PRSS1: variants seen among roughly 807,000 people sequenced by gnomAD.
The protein encoded by PRSS1 is serine protease 1.
A neutral mutation model predicts 24.2 loss-of-function variants in PRSS1; 22 were observed. The ratio of observed to expected loss-of-function variants is 0.91; its 90% confidence interval spans 0.65 to 1.30. The LOEUF (loss-of-function observed/expected upper bound fraction) is 1.30. Ranked by LOEUF, PRSS1 falls within the 50% of genes most tolerant of loss-of-function variation. The pLI, the probability that PRSS1 is intolerant of heterozygous loss-of-function variation, is 0.00. For synonymous variants in PRSS1, 126 were observed against 116.1 expected, an observed-to-expected ratio of 1.08 and a Z score of -0.55; for missense variants, 366 against 304.2, an observed-to-expected ratio of 1.20 and a Z score of -1.51.
chr7:142,751,384 G>C (rs1798712008), intron 2 of PRSS1: 1 of 576,436 alleles, frequency 1.7e-6, no homozygotes, highest in African/African-American at 1.9e-5. Context: ...ACCAGGCCAA[G>C]AATGGAGGGA....
At chr7:142,750,939 A>C (rs1453060940) in intron 2 of PRSS1, 1 of 771,316 alleles carries the variant, frequency 1.3e-6, no homozygotes, top group East Asian at 2.7e-5. Context: ...TCATAAAAGC[A>C]GGCAGGGATG....
rs763907908 is a variant in PRSS1, at chr7:142,752,562, T to G, written c.586T>G (p.Cys196Gly). 3.1e-6 allele frequency: 5 copies of G among 1,614,070 alleles called. No individual in the cohort carries two copies. The highest frequency in any genetic ancestry group is 4.2e-6 in the Non-Finnish European group (5 of 1,180,032). ...VGFLEGGKDSCQGDSGGPVVC... is the reference protein window; with the variant it reads ...VGFLEGGKDSGQGDSGGPVVC... ...CTTCCTTGAGGGAGGCAAGGATTCA[T>G]GTCAGGTGATTTGACCAACCCTTCC... Residue 196 changes from cysteine (C) to glycine (G), a missense_variant, in exon 4 of 5, where the codon TGT (cysteine) becomes GGT (glycine). Cys to Gly is a radical substitution (Grantham distance 159). Transcript: ENST00000311737.
chr7:142,749,742 G>A (rs546106408), intron 1 of PRSS1, among the ~76,000 whole-genome samples: 65 of 135,040 alleles, frequency 4.8e-4, no homozygotes, highest in Middle Eastern at 3.6e-3. Context: ...ATCCATATCC[G>A]AGTTGTGGTT....
At position 142,752,450 on chromosome 7, in the gene PRSS1, G is replaced by A. The variant is rs781123735; in HGVS notation, c.474G>A (p.Leu158=). The change falls in exon 4 of 5, where the codon CTG becomes CTA. Residue 158 remains leucine (L), a synonymous_variant. Transcript: ENST00000311737. ...ASSGADYPDE[L]QCLDAPVLSQ... is the part of the protein sequence containing the mutation. ...TCACAGCCGACTACCCAGACGAGCT[G>A]CAGTGCCTGGATGCTCCTGTGCTGA... 3.1e-6 allele frequency: 5 copies of A among 1,614,148 alleles called. No homozygotes were observed. Among genetic ancestry groups the A allele is most frequent in the East Asian group, 4.5e-5 (2 of 44,872 alleles).
At position 142,751,754 on chromosome 7, in the gene PRSS1, A is replaced by G. The variant is rs1209530200; in HGVS notation, c.201-20A>G. The G allele has an allele frequency of 5.6e-6, 9 of 1,614,028 alleles. No individual in the cohort carries two copies. The stretch of plus-strand genomic sequence containing the variant: ...CTGGCTGTGGGAGAAGGTCTTCACC[A>G]TGCCTGCCCTGCCCATCAGCCGCAT... On this transcript the variant is annotated intron_variant, in intron 2 of 4. Coordinates refer to ENST00000311737, the MANE Select transcript of PRSS1 (RefSeq NM_002769.5).
In PRSS1 at chr7:142,751,024, T is replaced by C. The variant is rs1290857448; in HGVS notation, c.200+310T>C. ...TGGTTAGCTACACATTAAAGCCAAC[T>C]AAGAAAGACTTTTTAAAAATACAGA... On this transcript the variant is annotated intron_variant, in intron 2 of 4. Transcript: ENST00000311737. 8 of 704,118 alleles carry C rather than the reference T, an allele frequency of 1.1e-5. No individual in the cohort carries two copies. In the East Asian group the frequency reaches 1.6e-4, roughly 14 times the overall value. The allele number at this position is 704,118 out of a possible 1,614,324, so 43.6% of individuals were successfully genotyped here. A position where few individuals can be genotyped will look rare whatever the true frequency, so the allele number is the denominator to read the frequency against.
chr7:142,751,865 C>T lies in PRSS1; in HGVS notation c.292C>T (p.Gln98Ter). 5 of 1,388,266 alleles carry T rather than the reference C, an allele frequency of 3.6e-6. No individual in the cohort carries two copies. Among genetic ancestry groups the T allele is most frequent in the Non-Finnish European group, 4.9e-6 (5 of 1,017,190 alleles). The allele number at this position is 1,388,266 out of a possible 1,614,324, so 86.0% of individuals were successfully genotyped here. The part of the protein sequence containing the change: ...INAAKIIRHP[Q>*]YDRKTLNNDI... ...TGCAGCCAAGATCATCCGCCACCCC[C>T]AATACGACAGGAAGACTCTGAACAA... is the stretch of plus-strand genomic sequence containing the variant. Residue 98 changes from glutamine (Q) to a stop codon, truncating the protein, a stop_gained, in exon 3 of 5, where the codon CAA (glutamine) becomes TAA (stop). Coordinates refer to ENST00000311737, the MANE Select transcript of PRSS1 (RefSeq NM_002769.5). LOFTEE classifies it high-confidence loss of function.
At chr7:142,751,141 T>C (rs1013831495) in intron 2 of PRSS1, 9 of 701,824 alleles carry the variant, frequency 1.3e-5, no homozygotes, top group African/African-American at 1.2e-4. Context: ...CTCTGCTAAC[T>C]GTAGAGTGTA....
chr7:142,751,653 C>T, intron 2 of PRSS1, 121 bp from the exon 3 acceptor site: 2 of 1,589,430 alleles, frequency 1.3e-6, no homozygotes, highest in African/African-American at 1.3e-5. Flanking sequence ...GATATGGCCA[C>T]ACACCCCACC....
intron 4 of PRSS1, 94 bp downstream of exon 4, chr7:142,752,661 G>C: frequency 6.3e-7 from 1 of 1,593,612 alleles, no homozygotes; most frequent in African/African-American, 1.3e-5. Flanking sequence ...GTGGGGCTGA[G>C]GAGGCTCCCT....
chr7:142,751,278 G>A (rs1243839928), intron 2 of PRSS1: 1 of 606,518 alleles, frequency 1.6e-6, no homozygotes, highest in African/African-American at 1.9e-5. Flanking sequence ...TCAGTAGGTG[G>A]GGGTAAGGAC....
chr7:142,752,462 T>G lies in PRSS1; in HGVS notation c.486T>G (p.Asp162Glu), dbSNP rs6666. Residue 162 changes from aspartate (D) to glutamate (E), a missense_variant, in exon 4 of 5, where the codon GAT (aspartate) becomes GAG (glutamate). Asp to Glu is a conservative substitution (Grantham distance 45). Transcript: ENST00000311737. ...ADYPDELQCLDAPVLSQAKCE... is the reference protein window; with the variant it reads ...ADYPDELQCLEAPVLSQAKCE... ...ACCCAGACGAGCTGCAGTGCCTGGA[T>G]GCTCCTGTGCTGAGCCAGGCTAAGT... The G allele has an allele frequency of 1.3e-6, 2 of 1,599,374 alleles. No individual in the cohort carries two copies. Among genetic ancestry groups the G allele is most frequent in the Non-Finnish European group, 1.7e-6 (2 of 1,170,314 alleles).
intron 2 of PRSS1, 123 bp from the exon 3 acceptor site, chr7:142,751,651 C>CA: frequency 6.3e-7 from 1 of 1,584,322 alleles, no homozygotes; most frequent in Non-Finnish European, 8.6e-7. Flanking sequence ...GCGATATGGC[C>CA]ACACACCCCA....
chr7:142,752,059 T>A, intron 3 of PRSS1, 32 bp downstream of exon 3: 1 of 1,613,866 alleles, frequency 6.2e-7, no homozygotes, highest in Non-Finnish European at 8.5e-7. Context: ...TCTACTTCCC[T>A]CCATCCTCAC....
chr7:142,750,204 C>G (rs530193434), intron 1 of PRSS1, among the ~76,000 whole-genome samples: 19 of 152,250 alleles, frequency 1.2e-4, no homozygotes, highest in South Asian at 6.2e-4. Flanking sequence ...CCCAAATAGC[C>G]AGGGGAAGTA....
rs1224714031 is a variant in PRSS1, at chr7:142,750,707, T to C, written c.193T>C (p.Tyr65His). ...EQWVVSAGHC[Y>H]KSRIQVRLGE... The stretch of plus-strand genomic sequence containing the variant: ...GTGGGTGGTATCAGCAGGCCACTGC[T>C]ACAAGTCGTAAGTGTGGGGCCCCCG... Residue 65 changes from tyrosine to histidine, a missense_variant, in exon 2 of 5, where the codon TAC becomes CAC. Transcript: ENST00000311737. 2 of 1,613,748 alleles carry C rather than the reference T, an allele frequency of 1.2e-6. No individual in the cohort carries two copies. Among genetic ancestry groups the C allele is most frequent in the East Asian group, 2.2e-5 (1 of 44,870 alleles).
rs1449124096 is a variant in PRSS1, at chr7:142,750,609, A to G, written c.95A>G (p.Glu32Gly). The change falls in exon 2 of 5, where the codon GAG becomes GGG. Residue 32 changes from glutamate to glycine, a missense_variant. Coordinates refer to ENST00000311737, the MANE Select transcript of PRSS1 (RefSeq NM_002769.5). ...DKIVGGYNCE[E>G]NSVPYQVSLN... ...ATCGTTGGGGGCTACAACTGTGAGG[A>G]GAATTCTGTCCCCTACCAGGTGTCC... 1.2e-6 allele frequency: 2 copies of G among 1,614,032 alleles called. No homozygotes were observed. Among genetic ancestry groups the G allele is most frequent in the African/African-American group, 1.3e-5 (1 of 75,068 alleles).
At chr7:142,751,647 T>C (rs1798741773) in intron 2 of PRSS1, 127 bp from the exon 3 acceptor site, 2 of 1,569,730 alleles carry the variant, frequency 1.3e-6, no homozygotes, top group African/African-American at 1.4e-5. Context: ...CCATGCGATA[T>C]GGCCACACAC....
intron 2 of PRSS1, chr7:142,751,220 C>T: frequency 1.6e-6 from 1 of 643,904 alleles, no homozygotes; most frequent in Non-Finnish European, 2.8e-6. Context: ...GAACGCCCTG[C>T]AGGCTTGTTA....
Sources: gnomAD v4.1 joint callset for allele counts (sites outside exome capture counted in the v4.1 genomes callset) on GRCh38, gnomAD v4.1.1 for gene constraint, MANE v1.5 for transcripts, NCBI Gene and HGNC (gene_info 2026-07-23, HGNC 2026-07-21) for gene names.